CEP57: variants seen among roughly 807,000 people sequenced by gnomAD.
CEP57 encodes centrosomal protein of 57 kDa.
A neutral mutation model predicts 68.0 loss-of-function variants in CEP57; 40 were observed. The ratio of observed to expected loss-of-function variants is 0.59; its 90% CI spans 0.46 to 0.77. The LOEUF (loss-of-function observed/expected upper bound fraction) is 0.77, where lower values mean the gene tolerates loss of function less well. Ranked by LOEUF, CEP57 falls within the 30% of genes least tolerant of loss-of-function variation. CEP57 has a pLI of 0.00. For synonymous variants in CEP57, 219 were observed against 198.7 expected, an observed-to-expected ratio of 1.10 and a Z score of -0.86; for missense variants, 606 against 580.7, an observed-to-expected ratio of 1.04 and a Z score of -0.45.
At chr11:95,803,867 C>T (rs1379038533) in intron 2 of CEP57, among the ~76,000 whole-genome samples, 2 of 151,952 alleles carry the variant, frequency 1.3e-5, no homozygotes, top group East Asian at 1.9e-4. Flanking sequence ...TGGGTTTCAG[C>T]GTGTGTCCCT....
At position 95,817,374 on chromosome 11, in the gene CEP57, A is replaced by T. The variant is rs114053694; in HGVS notation, c.505-413A>T. Among the ~76,000 whole-genome samples, 440 of 152,290 alleles carry T rather than the reference A, an allele frequency of 2.9e-3. 4 individuals carry two copies. Among genetic ancestry groups the T allele is most frequent in the African/African-American group, 0.01 (422 of 41,528 alleles). On this transcript the variant is annotated intron_variant, in intron 4 of 10. Transcript: ENST00000325542. The stretch of plus-strand genomic sequence containing the variant: ...GAGCGAGACTCTATCTCAAAAATAA[A>T]AAAAGTATAAAAGGATATTATACAT...
At chr11:95,829,872 A>G (rs1862926974) in intron 10 of CEP57, among the ~76,000 whole-genome samples, 1 of 152,200 alleles carries the variant, frequency 6.6e-6, no homozygotes, top group African/African-American at 2.4e-5. Flanking sequence ...GATCAGCTAT[A>G]GATGTATCAG....
At chr11:95,817,332 C>T (rs2135336187) in intron 4 of CEP57, among the ~76,000 whole-genome samples, 1 of 152,224 alleles carries the variant, frequency 6.6e-6, no homozygotes, top group African/African-American at 2.4e-5. Context: ...AGCCACTGCA[C>T]TCTGGCCTGG....
chr11:95,793,021 G>A (rs1343330831), intron 1 of CEP57, among the ~76,000 whole-genome samples: 2 of 152,114 alleles, frequency 1.3e-5, no homozygotes, highest in Non-Finnish European at 2.9e-5. Context: ...ATATTCAACT[G>A]TTTTCGACAT....
At chr11:95,830,934 C>T in intron 10 of CEP57, 92 bp from the exon 11 acceptor site, 5 of 951,242 alleles carry the variant, frequency 5.3e-6, no homozygotes, top group Non-Finnish European at 8.3e-6. Context: ...GAGAGTTAAC[C>T]AAAAAAAGGT....
chr11:95,813,337 A>G (rs1230474901), intron 3 of CEP57, 131 bp from the exon 4 acceptor site: 2 of 1,157,528 alleles, frequency 1.7e-6, no homozygotes, highest in Non-Finnish European at 2.5e-6. Flanking sequence ...GATTTAGGTA[A>G]TCTGAAAAGG....
chr11:95,793,846 A>T (rs1469582189), intron 1 of CEP57, among the ~76,000 whole-genome samples: 1 of 152,180 alleles, frequency 6.6e-6, no homozygotes, highest in Non-Finnish European at 1.5e-5. Flanking sequence ...CAGATATTAG[A>T]AACAATCTTG....
In CEP57 at chr11:95,800,707, A is replaced by G. The variant is rs183269568; in HGVS notation, c.202+1319A>G. Among the ~76,000 whole-genome samples the G allele has an allele frequency of 6.6e-5, 10 of 152,216 alleles. No individual in the cohort carries two copies. The East Asian group carries it at 1.9e-3, about 29-fold the overall frequency. ...GCCTGGCCAAGTCTCTTATGTTTCA[A>G]ATCTCTCTGAGTTCTGTTGTTACAT... On this transcript the variant is annotated intron_variant, in intron 2 of 10. Coordinates refer to ENST00000325542, the MANE Select transcript of CEP57 (RefSeq NM_014679.5).
chr11:95,810,799 T>C (rs1254183994), intron 2 of CEP57, among the ~76,000 whole-genome samples: 2 of 152,066 alleles, frequency 1.3e-5, no homozygotes, highest in Non-Finnish European at 2.9e-5. Context: ...TTCAATGCCA[T>C]CCCCATCAAG....
intron 4 of CEP57, among the ~76,000 whole-genome samples, chr11:95,813,956 A>G (rs1862187522): frequency 1.3e-5 from 2 of 152,242 alleles, no homozygotes. Context: ...GTTACTTAGC[A>G]TAGCATTTTT....
intron 1 of CEP57, among the ~76,000 whole-genome samples, chr11:95,793,746 CAG>C (rs1421436792): frequency 7.2e-5 from 11 of 152,276 alleles, no homozygotes; most frequent in African/African-American, 2.6e-4. Flanking sequence ...AAATGAGGCA[CAG>C]AGAGGTTGAG....
At chr11:95,819,941 T>C (rs1862453832) in intron 6 of CEP57, among the ~76,000 whole-genome samples, 1 of 152,262 alleles carries the variant, frequency 6.6e-6, no homozygotes, top group African/African-American at 2.4e-5. Flanking sequence ...TTCTGAGTTA[T>C]ATAGCCACAT....
Position 95,831,236 on chromosome 11 carries a change from A to G in CEP57, c.1483A>G (p.Ser495Gly). 6.2e-7 allele frequency: 1 copy of G among 1,612,526 alleles called. No homozygotes were observed. The highest frequency in any genetic ancestry group is 8.5e-7 in the Non-Finnish European group (1 of 1,178,728). The change falls in exon 11 of 11, where the codon AGT (serine) becomes GGT (glycine). Residue 495 changes from serine to glycine, a missense_variant. Ser to Gly is a moderately conservative substitution (Grantham distance 56). Coordinates refer to ENST00000325542, the MANE Select transcript of CEP57 (RefSeq NM_014679.5). ...CATACAGAATTCATTACAAAGCAGT[A>G]GTTTGTGTTGGGATTACTGACTCAT... is the stretch of plus-strand genomic sequence containing the variant. ...QSIQNSLQSS[S>G]LCWDY
At chr11:95,818,162 A>T (rs764777326) in intron 5 of CEP57, 2 of 369,806 alleles carry the variant, frequency 5.4e-6, no homozygotes, top group Non-Finnish European at 1.0e-5. Context: ...CTGTAATCCC[A>T]GCACTTTGGG....
chr11:95,802,116 G>C (rs1286327049), intron 2 of CEP57, among the ~76,000 whole-genome samples: 1 of 152,050 alleles, frequency 6.6e-6, no homozygotes, highest in Non-Finnish European at 1.5e-5. Flanking sequence ...AAGTGTGTTG[G>C]GGAGGTTAAA....
At chr11:95,794,790 T>A (rs1055836121) in intron 1 of CEP57, among the ~76,000 whole-genome samples, 9 of 152,228 alleles carry the variant, frequency 5.9e-5, no homozygotes, top group African/African-American at 2.2e-4. Context: ...CTTCTATATT[T>A]TTTTCCTACT....
chr11:95,827,547 G>A, intron 8 of CEP57: 1 of 498,054 alleles, frequency 2.0e-6, no homozygotes, highest in South Asian at 2.4e-5. Context: ...CATGAGGCTA[G>A]GAAATGTAGG....
chr11:95,814,697 C>G lies in CEP57; in HGVS notation c.504+1108C>G, dbSNP rs1862227590. 2.0e-5 allele frequency among the ~76,000 whole-genome samples: 3 copies of G among 152,208 alleles called. No individual in the cohort carries two copies. The South Asian group carries it at 6.2e-4, about 32-fold the overall frequency. The stretch of plus-strand genomic sequence containing the variant: ...ATTTTTTTAAAACTTACTCCTTTTT[C>G]TGTTATGAATCTAGAGTTTGCATTC... On this transcript the variant is annotated intron_variant, in intron 4 of 10. Transcript: ENST00000325542.
In CEP57 at chr11:95,821,894, T is replaced by C. The variant is rs76411609; in HGVS notation, c.723T>C (p.Asn241=). ...AGTTGCAGACTGGTCTAGAAACAAATAGACTTATCTTTGAAGATAAGGCAA... is the reference window on the plus strand; with the variant it reads ...AGTTGCAGACTGGTCTAGAAACAAACAGACTTATCTTTGAAGATAAGGCAA... The part of the protein sequence containing the change: ...AAELQTGLET[N]RLIFEDKATP... The change falls in exon 7 of 11, where the codon AAT becomes AAC. Residue 241 remains asparagine, a synonymous_variant. Coordinates refer to ENST00000325542, the MANE Select transcript of CEP57 (RefSeq NM_014679.5). 6.2e-6 allele frequency: 10 copies of C among 1,611,760 alleles called. No individual in the cohort carries two copies. Among genetic ancestry groups the C allele is most frequent in the African/African-American group, 4.0e-5 (3 of 74,800 alleles).
Sources: gnomAD v4.1 joint callset for allele counts (sites outside exome capture counted in the v4.1 genomes callset) on GRCh38, gnomAD v4.1.1 for gene constraint, MANE v1.5 for transcripts, NCBI Gene and HGNC (gene_info 2026-07-23, HGNC 2026-07-21) for gene names.